Variants in HEATR4 observed in about 807,000 individuals in gnomAD.
HEATR4 encodes HEAT repeat containing 4.
A neutral mutation model predicts 108.8 loss-of-function variants in HEATR4; 95 were observed. The ratio of observed to expected loss-of-function variants is 0.87; its 90% CI spans 0.74 to 1.04. The LOEUF (loss-of-function observed/expected upper bound fraction) is 1.04. HEATR4 is among the 50% of genes least tolerant of loss of function. The pLI is 0.00. For missense variants in HEATR4, 1,152 were observed against 1,253.8 expected, an observed-to-expected ratio of 0.92 and a Z score of 1.23; for synonymous variants, 443 against 459.4, an observed-to-expected ratio of 0.96 and a Z score of 0.46.
In HEATR4 at chr14:73,516,896, G is replaced by A. The variant is rs140975867; in HGVS notation, c.1210+2127C>T. 1.1e-4 allele frequency among the ~76,000 whole-genome samples: 16 copies of A among 152,258 alleles called. No homozygotes were observed. The East Asian group carries it at 1.7e-3, about 17-fold the overall frequency. On this transcript the variant is annotated intron_variant, in intron 5 of 17. Coordinates refer to ENST00000553558, the MANE Select transcript of HEATR4 (RefSeq NM_001220484.1). ...TTCATCCTCAAACCATCCCCACCCC[G>A]CTGGTCTGTGGAAAAATTATCTTCC...
rs1887065764 is a variant in HEATR4 at position 73,509,469 on chromosome 14, CT to C, written c.1562del (p.Lys521ArgfsTer14). On this transcript the variant is annotated frameshift_variant, in exon 8 of 18. Transcript: ENST00000553558. LOFTEE classifies it high-confidence loss of function. The stretch of plus-strand genomic sequence containing the variant: ...GAACCTCCGGCAAGTCCTGGATGGT[CT>C]TGTCTGTGATCAAAAGAGCCAGGTA... ...RIATSQRDSDKTIQDLPEVLL... is the reference protein window; with the variant it reads ...RIATSQRDSDXTIQDLPEVLL... The C allele has an allele frequency of 6.2e-7, 1 of 1,613,822 alleles. No homozygotes were observed. Among genetic ancestry groups the C allele is most frequent in the East Asian group, 2.2e-5 (1 of 44,882 alleles).
chr14:73,619,897 G>T, the HEATR4 span: 5 of 1,479,988 alleles, frequency 3.4e-6, no homozygotes, highest in South Asian at 1.4e-5. Flanking sequence ...AACTTGTGTT[G>T]GGTTTTCTTT....
chr14:73,504,840 G>C (rs1886711174), intron 10 of HEATR4, among the ~76,000 whole-genome samples: 1 of 152,184 alleles, frequency 6.6e-6, no homozygotes, highest in African/African-American at 2.4e-5. Flanking sequence ...CATTTGGACA[G>C]CTGAAGATGA....
the HEATR4 span, among the ~76,000 whole-genome samples, chr14:73,624,642 C>G: frequency 6.6e-6 from 1 of 152,138 alleles, no homozygotes; most frequent in African/African-American, 2.4e-5. Context: ...TTTAGTAACT[C>G]TTCTTTATAG....
intron 7 of HEATR4, among the ~76,000 whole-genome samples, chr14:73,510,802 TG>T (rs759173564): frequency 6.6e-6 from 1 of 152,192 alleles, no homozygotes; most frequent in Non-Finnish European, 1.5e-5. Flanking sequence ...AGGAGCATGT[TG>T]TTTATTCACT....
rs950732852 is a variant in HEATR4, at chr14:73,520,705, A to G, written c.1069+147T>C. The G allele has an allele frequency of 5.8e-6, 4 of 695,408 alleles. No homozygotes were observed. The Admixed American group carries it at 7.6e-5, about 13-fold the overall frequency. The allele number at this position is 695,408 out of a possible 1,614,324, so 43.1% of individuals were successfully genotyped here. On this transcript the variant is annotated intron_variant, in intron 4 of 17. Transcript: ENST00000553558. ...CACTCCCCGACCCAACTCCTGTGCTAGTGTGGGTGCTGGGTCATGAACATG... is the reference window on the plus strand; with the variant it reads ...CACTCCCCGACCCAACTCCTGTGCTGGTGTGGGTGCTGGGTCATGAACATG...
chr14:73,580,714 G>A, the HEATR4 span: 1 of 152,082 alleles, frequency 6.6e-6, no homozygotes, highest in Non-Finnish European at 1.5e-5. Context: ...CCCTGAAGCT[G>A]AAGGAAATAT....
chr14:73,573,846 C>G, the HEATR4 span, among the ~76,000 whole-genome samples: 226 of 152,054 alleles, frequency 1.5e-3, 2 homozygotes, highest in East Asian at 0.029. Flanking sequence ...TGTGCCCCAC[C>G]CTCCCGAGTA....
chr14:73,531,503 C>G lies in HEATR4; in HGVS notation c.-151-1259G>C, dbSNP rs1276930712. On this transcript the variant is annotated intron_variant, in intron 1 of 17. Coordinates refer to ENST00000553558, the MANE Select transcript of HEATR4 (RefSeq NM_001220484.1). ...TGGTGTGATCTTGGCTCACTGCAAC[C>G]TCTGCCTCCCAGGTTCAAGCAATTC... Among the ~76,000 whole-genome samples, 12 of 105,772 alleles carry G rather than the reference C, an allele frequency of 1.1e-4. 1 individual carries two copies. The highest frequency in any genetic ancestry group is 2.4e-4 in the Non-Finnish European group (12 of 49,176). The allele number at this position is 105,772 out of a possible 152,430, so 69.4% of individuals were successfully genotyped here. A position where few individuals can be genotyped will look rare whatever the true frequency, so the allele number is the denominator to read the frequency against.
chr14:73,495,141 G>C lies in HEATR4; in HGVS notation c.2785+87C>G, dbSNP rs977676925. 7 of 1,176,882 alleles carry C rather than the reference G, an allele frequency of 5.9e-6. No homozygotes were observed. The African/African-American group carries it at 7.7e-5, about 13-fold the overall frequency. The allele number at this position is 1,176,882 out of a possible 1,614,324, so 72.9% of individuals were successfully genotyped here. On this transcript the variant is annotated intron_variant, in intron 16 of 17. Transcript: ENST00000553558. ...TTTCCTGACTCTTTCATCCTCTAAG[G>C]CTTGCTACTAAGTCCCAAAACATCC... is the stretch of plus-strand genomic sequence containing the variant.
upstream of HEATR4, among the ~76,000 whole-genome samples, chr14:73,562,528 G>A (rs1331114927): frequency 1.2e-4 from 19 of 152,086 alleles, no homozygotes; most frequent in South Asian, 1.5e-3. Context: ...CTGCGGAGTC[G>A]GGCCAAAAGA....
chr14:73,629,794 G>A, the HEATR4 span, among the ~76,000 whole-genome samples: 5 of 151,794 alleles, frequency 3.3e-5, no homozygotes, highest in South Asian at 4.2e-4. Context: ...ACAGGCACCC[G>A]CCACCAAGCC....
chr14:73,609,434 T>C, the HEATR4 span, among the ~76,000 whole-genome samples: 1 of 152,102 alleles, frequency 6.6e-6, no homozygotes, highest in African/African-American at 2.4e-5. Flanking sequence ...TCTAAAAGTA[T>C]GCACCATGCT....
In HEATR4 at chr14:73,498,156, T is replaced by C. The variant is rs776696206; in HGVS notation, c.2545A>G (p.Lys849Glu). The C allele has an allele frequency of 6.2e-7, 1 of 1,609,700 alleles. No homozygotes were observed. The highest frequency in any genetic ancestry group is 2.2e-5 in the East Asian group (1 of 44,758). ...LLLENHDAVL[K>E]EMYQTMKILN... ...GGGAGCCAGAGGTTTAGTGCTTACT[T>C]TAGAACAGCATCGTGGTTCTCCAGG... The change falls in exon 14 of 18, where the codon AAA (lysine) becomes GAA (glutamate). Residue 849 changes from lysine to glutamate, a missense_variant and splice_region_variant. Coordinates refer to ENST00000553558, the MANE Select transcript of HEATR4 (RefSeq NM_001220484.1).
upstream of HEATR4, among the ~76,000 whole-genome samples, chr14:73,559,911 C>T (rs758676629): frequency 2.0e-5 from 3 of 152,106 alleles, no homozygotes; most frequent in East Asian, 3.9e-4. Flanking sequence ...AGAAGCTGTC[C>T]GTCGACTTTT....
chr14:73,509,236 A>G (rs1414755910), intron 8 of HEATR4, 76 bp downstream of exon 8: 1 of 1,371,326 alleles, frequency 7.3e-7, no homozygotes, highest in East Asian at 2.3e-5. Flanking sequence ...CACAGTGGAG[A>G]GGAAAGGACT....
At position 73,546,625 on chromosome 14, in the gene HEATR4, A is replaced by C. The variant is rs1293821736; in HGVS notation, c.-152+12126T>G. 1.2e-4 allele frequency among the ~76,000 whole-genome samples: 14 copies of C among 114,510 alleles called. 3 individuals carry two copies. The highest frequency in any genetic ancestry group is 3.9e-4 in the African/African-American group (14 of 35,520). 75.1% of individuals were successfully genotyped at this position (114,510 alleles called of 152,430 possible). On this transcript the variant is annotated intron_variant, in intron 1 of 17. Coordinates refer to ENST00000553558, the MANE Select transcript of HEATR4 (RefSeq NM_001220484.1). ...GCAGTCTGTCCATCTTGGCCTACCAAACTGCTTGGATTATAGGCATGAGCA... is the reference window on the plus strand; with the variant it reads ...GCAGTCTGTCCATCTTGGCCTACCACACTGCTTGGATTATAGGCATGAGCA...
At chr14:73,498,113 G>T (rs1397508621) in intron 14 of HEATR4, 42 bp downstream of exon 14, 2 of 1,533,348 alleles carry the variant, frequency 1.3e-6, no homozygotes, top group East Asian at 2.3e-5. Flanking sequence ...GTGAGAGTTG[G>T]CAGTATAAGG....
In HEATR4 at chr14:73,521,052, G is replaced by A. The variant is rs1256285508; in HGVS notation, c.882-13C>T. 2 of 1,609,546 alleles carry A rather than the reference G, an allele frequency of 1.2e-6. No homozygotes were observed. The highest frequency in any genetic ancestry group is 2.2e-5 in the East Asian group (1 of 44,788). ...GTAACTGGGCAATCTTGGCAGGGGT[G>A]AGAAAGGAGGGAAAAGGGGGAAAGA... On this transcript the variant is annotated splice_polypyrimidine_tract_variant and intron_variant, in intron 3 of 17. Coordinates refer to ENST00000553558, the MANE Select transcript of HEATR4 (RefSeq NM_001220484.1).
Sources: gnomAD v4.1 joint callset for allele counts (sites outside exome capture counted in the v4.1 genomes callset) on GRCh38, gnomAD v4.1.1 for gene constraint, MANE v1.5 for transcripts, NCBI Gene and HGNC (gene_info 2026-07-23, HGNC 2026-07-21) for gene names.